Variants in TSPOAP1 observed in about 807,000 individuals in gnomAD.
TSPOAP1 encodes the protein peripheral-type benzodiazepine receptor-associated protein 1.
TSPOAP1 carries 87 observed loss-of-function variants against 197.0 expected under a neutral mutation model. The observed-to-expected ratio is 0.44, with a 90% CI of 0.37 to 0.53. The LOEUF is 0.53. Among genes scored for constraint, TSPOAP1 ranks in the 20% least tolerant of loss-of-function variants. The pLI is 0.00. For synonymous variants in TSPOAP1, 913 were observed against 998.9 expected, an observed-to-expected ratio of 0.91 and a Z score of 1.62; for missense variants, 2,174 against 2,411.3, an observed-to-expected ratio of 0.90 and a Z score of 2.06.
chr17:58,310,209 G>T, intron 20 of TSPOAP1, 51 bp from the exon 21 acceptor site: 1 of 1,556,464 alleles, frequency 6.4e-7, no homozygotes. Flanking sequence ...AGGGGGCACA[G>T]GGGGTTCCAG....
intron 3 of TSPOAP1, 105 bp from the exon 4 acceptor site, chr17:58,325,818 T>C (rs1971578376): frequency 1.6e-6 from 2 of 1,258,186 alleles, no homozygotes; most frequent in East Asian, 4.9e-5. Context: ...CCTAGGGGGG[T>C]AGCCACCTGC....
chr17:58,314,934 C>T (rs1199815853), intron 16 of TSPOAP1, among the ~76,000 whole-genome samples: 2 of 152,226 alleles, frequency 1.3e-5, no homozygotes, highest in South Asian at 2.1e-4. Flanking sequence ...ATCTTGCCCC[C>T]GGTGGCATTT....
In TSPOAP1 at chr17:58,327,664, C is replaced by A; in HGVS notation, c.257G>T (p.Ser86Ile). ...AGAGCTGGATGCTTGCTGGCCCAGG[C>A]TGGGCAGACAAGCCTCTGCTCCTTC... ...DPEGAEACLPSLGQQASSSGP... is the reference protein window; with the variant it reads ...DPEGAEACLPILGQQASSSGP... The change falls in exon 1 of 32, where the codon AGC (serine) becomes ATC (isoleucine). Residue 86 changes from serine to isoleucine, a missense_variant. By Grantham distance (142) the Ser-to-Ile change is moderately radical (BLOSUM62 -2). Around this residue, in one of 5 missense-constraint regions of TSPOAP1, gnomAD observed 1,933 missense variants for 2,139.0 expected, o/e 0.90. Coordinates refer to ENST00000343736, the MANE Select transcript of TSPOAP1 (RefSeq NM_004758.4). 1.2e-6 allele frequency: 2 copies of A among 1,613,754 alleles called. No homozygotes were observed. The highest frequency in any genetic ancestry group is 1.7e-6 in the Non-Finnish European group (2 of 1,180,046).
rs1360465905 is a variant in TSPOAP1, at chr17:58,305,388, T to G, written c.5432A>C (p.Tyr1811Ser). The G allele has an allele frequency of 6.2e-7, 1 of 1,613,808 alleles. No individual in the cohort carries two copies. The highest frequency in any genetic ancestry group is 8.5e-7 in the Non-Finnish European group (1 of 1,179,934). The change falls in exon 29 of 32, where the codon TAT becomes TCT. Residue 1811 changes from tyrosine (Y) to serine (S), a missense_variant and splice_region_variant. This residue lies in a region of TSPOAP1 where 60 missense variants were observed against 56.2 expected (regional missense o/e 1.07). Transcript: ENST00000343736. ...CACCCTCCCCAACAATGTTCTCACA[T>G]AGTAGAAACCGTCATCGTCCATGCC... ...FGGMDDDGFY[Y>S]GELNGQRGLV... is the part of the protein sequence containing the mutation.
chr17:58,325,653 G>C lies in TSPOAP1; in HGVS notation c.631C>G (p.Arg211Gly). Residue 211 changes from arginine to glycine, a missense_variant, in exon 4 of 32, where the codon CGC (arginine) becomes GGC (glycine). Arg to Gly is a moderately radical substitution (Grantham distance 125). Around this residue, in one of 5 missense-constraint regions of TSPOAP1, gnomAD observed 1,933 missense variants for 2,139.0 expected, o/e 0.90. Transcript: ENST00000343736. ...TCACTGAGGTCCCGGGCTCGCTGGC[G>C]GGCTAGGGCCTTCCGACACAACTCC... ...SLELCRKALA[R>G]QRARDLSETA... 1.2e-6 allele frequency: 2 copies of C among 1,613,192 alleles called. No individual in the cohort carries two copies. The highest frequency in any genetic ancestry group is 8.5e-7 in the Non-Finnish European group (1 of 1,179,988).
Position 58,320,197 on chromosome 17 carries a change from G to A in TSPOAP1, c.1474-68C>T, listed in dbSNP as rs968313285. 28 of 1,595,340 alleles carry A rather than the reference G, an allele frequency of 1.8e-5. No homozygotes were observed. In the South Asian group the frequency reaches 2.4e-4, roughly 14 times the overall value. ...CGCTGTGGGTTGCTAACCCAGAGAG[G>A]GAGGCGGAGAAGGGGGCCTAAGTGG... is the stretch of plus-strand genomic sequence containing the variant. On this transcript the variant is annotated intron_variant, in intron 11 of 31. Coordinates refer to ENST00000343736, the MANE Select transcript of TSPOAP1 (RefSeq NM_004758.4).
rs2269919 is a variant in TSPOAP1, at chr17:58,322,231, C to T, written c.1422+77G>A. 105,733 of 1,433,280 alleles carry T rather than the reference C, an allele frequency of 0.074. 4,707 individuals are homozygous for T. Among genetic ancestry groups the T allele is most frequent in the East Asian group, 0.18 (7,877 of 43,850 alleles). 88.8% of individuals were successfully genotyped at this position (1,433,280 alleles called of 1,614,324 possible). A position where few individuals can be genotyped will look rare whatever the true frequency, so the allele number is the denominator to read the frequency against. ...GACGCCTAGCACAGTGCCGGGCACACAGTAAATGCTTGTGGAATGAGTGAG... is the reference window on the plus strand; with the variant it reads ...GACGCCTAGCACAGTGCCGGGCACATAGTAAATGCTTGTGGAATGAGTGAG... On this transcript the variant is annotated intron_variant, in intron 10 of 31. Coordinates refer to ENST00000343736, the MANE Select transcript of TSPOAP1 (RefSeq NM_004758.4). The surrounding 1 kb of genome is among the most constrained non-coding windows in gnomAD (Gnocchi z 5.0).
At chr17:58,323,247 T>G (rs1598079103) in intron 7 of TSPOAP1, 51 bp downstream of exon 7, 1 of 1,604,872 alleles carries the variant, frequency 6.2e-7, no homozygotes, top group Non-Finnish European at 8.5e-7. Context: ...ACCACCTGGC[T>G]GGCCGGGGTG....
chr17:58,316,329 C>T (rs1971232393), intron 15 of TSPOAP1, 96 bp downstream of exon 15: 1 of 1,219,630 alleles, frequency 8.2e-7, no homozygotes, highest in Non-Finnish European at 1.2e-6. Context: ...CCTGTACTGC[C>T]CCCACCACTT....
At chr17:58,319,569 G>A (rs764996134) in intron 12 of TSPOAP1, among the ~76,000 whole-genome samples, 12 of 152,218 alleles carry the variant, frequency 7.9e-5, no homozygotes, top group Non-Finnish European at 1.0e-4. Context: ...GGCCCTAGGC[G>A]ATGGCACCTC....
rs749493801 is a variant in TSPOAP1, at chr17:58,311,733, G to T, written c.2930-11C>A. On this transcript the variant is annotated splice_polypyrimidine_tract_variant and intron_variant, in intron 17 of 31. Coordinates refer to ENST00000343736, the MANE Select transcript of TSPOAP1 (RefSeq NM_004758.4). Reference sequence around the variant, plus strand: ...GGGCATCAGGTGGGCCTGGGGGCAGGGGGGCACAAGACCCAGTGATGCAGG... The same window carrying T: ...GGGCATCAGGTGGGCCTGGGGGCAGTGGGGCACAAGACCCAGTGATGCAGG... The T allele has an allele frequency of 6.4e-7, 1 of 1,554,128 alleles. No homozygotes were observed. The highest frequency in any genetic ancestry group is 2.3e-5 in the East Asian group (1 of 44,064).
rs753644184 is a variant in TSPOAP1, at chr17:58,311,877, C to T, written c.2929+15G>A. The T allele has an allele frequency of 3.9e-6, 6 of 1,523,690 alleles. No homozygotes were observed. The highest frequency in any genetic ancestry group is 1.3e-5 in the South Asian group (1 of 77,524). The allele number at this position is 1,523,690 out of a possible 1,614,324, so 94.4% of individuals were successfully genotyped here. A position where few individuals can be genotyped will look rare whatever the true frequency, so the allele number is the denominator to read the frequency against. On this transcript the variant is annotated intron_variant, in intron 17 of 31. Transcript: ENST00000343736. ...CTCCTGGGTGTTCTGGACAACAGGG[C>T]CCAAGCCCACATACCTGCTGGGAGT...
In TSPOAP1 at chr17:58,308,739, G is replaced by A. The variant is rs138510032; in HGVS notation, c.4533C>T (p.Ser1511=). The change falls in exon 22 of 32, where the codon AGC becomes AGT. Residue 1511 remains serine, a synonymous_variant. Transcript: ENST00000343736. ...AGGAGCTGGTGATGCTGATGCCCCC[G>A]CTGCCCGCCTCCTGCTCATCCTCCG... ...YDSEDEQEAG[S]GGISITSSCY... is the part of the protein sequence containing the mutation. The A allele has an allele frequency of 7.4e-5, 119 of 1,612,840 alleles. No individual in the cohort carries two copies. Among genetic ancestry groups the A allele is most frequent in the African/African-American group, 5.9e-4 (44 of 74,934 alleles).
At position 58,322,885 on chromosome 17, in the gene TSPOAP1, C is replaced by T. The variant is rs1971444737; in HGVS notation, c.1194+65G>A. ...TGCTCAGGGGTGGAGGAGAAAGCCC[C>T]TTGGCTGGGGACCGGGGCAGTGGTG... On this transcript the variant is annotated intron_variant, in intron 8 of 31. Coordinates refer to ENST00000343736, the MANE Select transcript of TSPOAP1 (RefSeq NM_004758.4). The surrounding 1 kb of genome is among the most constrained non-coding windows in gnomAD (Gnocchi z 5.0). 1 of 1,603,584 alleles carries T rather than the reference C, an allele frequency of 6.2e-7. No individual in the cohort carries two copies. Among genetic ancestry groups the T allele is most frequent in the African/African-American group, 1.3e-5 (1 of 74,744 alleles).
At chr17:58,303,041 C>T (rs1181006563) in intron 31 of TSPOAP1, 2 of 152,360 alleles carry the variant, frequency 1.3e-5, no homozygotes, top group Non-Finnish European at 2.9e-5. Context: ...GGCCAAGGAC[C>T]CAGAGGGACT....
chr17:58,302,888 C>CA (rs1344305357), intron 31 of TSPOAP1: 1 of 153,542 alleles, frequency 6.5e-6, no homozygotes, highest in Non-Finnish European at 1.5e-5. Context: ...GTAGCTTCTA[C>CA]AGCCCCTCAT....
At position 58,310,140 on chromosome 17, in the gene TSPOAP1, G is replaced by A. The variant is rs137954294; in HGVS notation, c.3718C>T (p.Leu1240Phe). ...AGGGAGTTCACCAGATGAACCCCAA[G>A]CTCTGCTGTGTCCTCCTTCTGCAAG... ...PRAEKEDTAE[L>F]GVHLVNSLVD... The change falls in exon 21 of 32, where the codon CTT becomes TTT. Residue 1240 changes from leucine to phenylalanine, a missense_variant. Leu to Phe is a conservative substitution (Grantham distance 22). This residue lies in a region of TSPOAP1 where 1,933 missense variants were observed against 2,139.0 expected (regional missense o/e 0.90). Coordinates refer to ENST00000343736, the MANE Select transcript of TSPOAP1 (RefSeq NM_004758.4). 6.2e-7 allele frequency: 1 copy of A among 1,612,928 alleles called. No individual in the cohort carries two copies. The highest frequency in any genetic ancestry group is 1.3e-5 in the African/African-American group (1 of 75,054).
At chr17:58,321,518 G>C (rs1971405160) in intron 10 of TSPOAP1, among the ~76,000 whole-genome samples, 1 of 152,112 alleles carries the variant, frequency 6.6e-6, no homozygotes, top group Non-Finnish European at 1.5e-5. Context: ...GGCTGGCCTC[G>C]AACTCCTGAC....
In TSPOAP1 at chr17:58,312,029, G is replaced by T. The variant is rs371230158; in HGVS notation, c.2792C>A (p.Thr931Asn). 3.1e-6 allele frequency: 5 copies of T among 1,613,560 alleles called. 1 individual carries two copies. In the South Asian group the frequency reaches 5.5e-5, roughly 18 times the overall value. ...TGTGCCAGGCCGTAAGTGGCAGAAG[G>T]TGGCCCAGTAGGTACTGGGGCTGGC... ...PPASPSTYWA[T>N]FCHLRPGTPY... Residue 931 changes from threonine (T) to asparagine (N), a missense_variant, in exon 17 of 32, where the codon ACC (threonine) becomes AAC (asparagine). Coordinates refer to ENST00000343736, the MANE Select transcript of TSPOAP1 (RefSeq NM_004758.4).
Sources: allele counts gnomAD v4.1 joint callset (sites outside exome capture counted in the v4.1 genomes callset), GRCh38; gene constraint gnomAD v4.1.1; regional missense constraint gnomAD v4.1.1; non-coding constraint Gnocchi (gnomAD v3.1); transcripts MANE v1.5; gene names NCBI Gene and HGNC (gene_info 2026-07-23, HGNC 2026-07-21).